Variants in KDM7A observed in about 807,000 individuals in gnomAD.
KDM7A encodes lysine demethylase 7A.
A neutral mutation model predicts 114.8 loss-of-function variants in KDM7A; 28 were observed. The observed-to-expected ratio is 0.24, with a 90% CI of 0.18 to 0.33. KDM7A has a LOEUF of 0.33. KDM7A is among the 10% of genes least tolerant of loss of function. The pLI, the probability that KDM7A is intolerant of heterozygous loss-of-function variation, is 1.00. For synonymous variants in KDM7A, 423 were observed against 397.8 expected, an observed-to-expected ratio of 1.06 and a Z score of -0.75; for missense variants, 942 against 1,142.5, an observed-to-expected ratio of 0.82 and a Z score of 2.53.
chr7:140,129,463 C>A (rs1818753295), intron 4 of KDM7A, 30 bp downstream of exon 4: 2 of 1,561,040 alleles, frequency 1.3e-6, no homozygotes, highest in East Asian at 4.5e-5. Flanking sequence ...ACCATGTTTT[C>A]CCAGGTACTT....
chr7:140,122,357 T>A (rs1223190421), intron 7 of KDM7A, among the ~76,000 whole-genome samples: 5 of 151,874 alleles, frequency 3.3e-5, no homozygotes, highest in African/African-American at 9.7e-5. Flanking sequence ...ATTTATGATT[T>A]GAAGAATCAT....
In KDM7A at chr7:140,126,658, T is replaced by A; in HGVS notation, c.867A>T (p.Ser289=). 1 of 1,612,872 alleles carries A rather than the reference T, an allele frequency of 6.2e-7. No homozygotes were observed. The highest frequency in any genetic ancestry group is 8.5e-7 in the Non-Finnish European group (1 of 1,179,360). The change falls in exon 6 of 20, where the codon TCA becomes TCT. Residue 289 remains serine (S), a synonymous_variant. Transcript: ENST00000397560. ...TTACCCAGAGGACATGGTACCAGAC[T>A]GAAGTTCCACCGAAGTCAATGTGGA... ...TDFHIDFGGT[S]VWYHVLWGEK...
intron 11 of KDM7A, among the ~76,000 whole-genome samples, chr7:140,104,931 G>A (rs1423331467): frequency 1.3e-5 from 2 of 152,168 alleles, no homozygotes; most frequent in African/African-American, 2.4e-5. Context: ...AGCATGGAAT[G>A]TTCTTCCATT....
At chr7:140,108,335 T>A (rs966484878) in intron 11 of KDM7A, among the ~76,000 whole-genome samples, 2 of 152,228 alleles carry the variant, frequency 1.3e-5, no homozygotes, top group Non-Finnish European at 2.9e-5. Flanking sequence ...AGAAGCTGCG[T>A]TCCTCTGGAG....
intron 11 of KDM7A, among the ~76,000 whole-genome samples, chr7:140,108,426 T>C (rs1391943683): frequency 6.6e-6 from 1 of 152,188 alleles, no homozygotes; most frequent in Non-Finnish European, 1.5e-5. Context: ...TATCTACCTT[T>C]GGTCTTTGAT....
chr7:140,092,105 G>A, intron 18 of KDM7A, 28 bp from the exon 19 acceptor site: 3 of 1,610,592 alleles, frequency 1.9e-6, no homozygotes, highest in Non-Finnish European at 2.5e-6. Context: ...ACATGAGGCT[G>A]AATTTTTAGG....
chr7:140,097,838 T>G (rs548802756), intron 14 of KDM7A, among the ~76,000 whole-genome samples, 196 bp from the exon 15 acceptor site: 2 of 152,344 alleles, frequency 1.3e-5, no homozygotes, highest in South Asian at 4.1e-4. Flanking sequence ...AGACACAGAC[T>G]GAAGTATATT....
chr7:140,100,683 T>C lies in KDM7A; in HGVS notation c.1639-660A>G, dbSNP rs372490754. 8.5e-3 allele frequency among the ~76,000 whole-genome samples: 309 copies of C among 36,432 alleles called. 3 individuals carry two copies. Among genetic ancestry groups the C allele is most frequent in the African/African-American group, 0.012 (97 of 7,996 alleles). The allele number at this position is 36,432 out of a possible 152,430, so 23.9% of individuals were successfully genotyped here. On this transcript the variant is annotated intron_variant, in intron 12 of 19. Coordinates refer to ENST00000397560, the MANE Select transcript of KDM7A (RefSeq NM_030647.2). ...AGTTATATATATATATATATATACA[T>C]ATATACATATATATATATATATATA...
rs776301740 is a variant in KDM7A at position 140,094,075 on chromosome 7, G to A, written c.2438C>T (p.Thr813Ile). ...RTSSWIKQFD[T>I]SRFHPQDLSR... Reference sequence around the variant, plus strand: ...ATATACCTGAGGATGAAATCTGGAAGTATCAAACTGTTTAATCCAGGAGGA... The same window carrying A: ...ATATACCTGAGGATGAAATCTGGAAATATCAAACTGTTTAATCCAGGAGGA... The change falls in exon 18 of 20, where the codon ACT becomes ATT. Residue 813 changes from threonine to isoleucine, a missense_variant. Thr to Ile is a moderately conservative substitution (Grantham distance 89). This residue lies in a region of KDM7A where 512 missense variants were observed against 576.6 expected (regional missense o/e 0.89). Transcript: ENST00000397560. The A allele has an allele frequency of 6.3e-7, 1 of 1,586,836 alleles. No individual in the cohort carries two copies. Among genetic ancestry groups the A allele is most frequent in the Non-Finnish European group, 8.7e-7 (1 of 1,155,098 alleles).
At chr7:140,162,255 A>G (rs947789722) in intron 1 of KDM7A, among the ~76,000 whole-genome samples, 1 of 152,048 alleles carries the variant, frequency 6.6e-6, no homozygotes, top group African/African-American at 2.4e-5. Flanking sequence ...GAATCGCTTA[A>G]ACCCAGGAGG....
chr7:140,122,097 T>A (rs947515861), intron 7 of KDM7A, among the ~76,000 whole-genome samples: 2 of 152,158 alleles, frequency 1.3e-5, no homozygotes, highest in South Asian at 2.1e-4. Flanking sequence ...CAGCCCTCCA[T>A]GTGATTCTGA....
At chr7:140,101,364 T>G (rs183807276) in intron 12 of KDM7A, among the ~76,000 whole-genome samples, 13 of 152,258 alleles carry the variant, frequency 8.5e-5, no homozygotes, top group Non-Finnish European at 1.5e-4. Flanking sequence ...CTGGCTCAAG[T>G]AGAGGCTTTC....
chr7:140,118,610 T>G (rs2116787433), intron 9 of KDM7A, among the ~76,000 whole-genome samples: 1 of 151,474 alleles, frequency 6.6e-6, no homozygotes, highest in South Asian at 2.1e-4. Flanking sequence ...AGAGACAGGA[T>G]TTCACCATGT....
chr7:140,092,388 TGG>T (rs1047652489), intron 18 of KDM7A, among the ~76,000 whole-genome samples: 1 of 152,218 alleles, frequency 6.6e-6, no homozygotes, highest in Non-Finnish European at 1.5e-5. Context: ...GACCCTGAGC[TGG>T]GGGAATGGAT....
At position 140,099,971 on chromosome 7, in the gene KDM7A, G is replaced by A; in HGVS notation, c.1691C>T (p.Ser564Phe). Residue 564 changes from serine (S) to phenylalanine (F), a missense_variant, in exon 13 of 20, where the codon TCC becomes TTC. This residue lies in a region of KDM7A where 512 missense variants were observed against 576.6 expected (regional missense o/e 0.89). Transcript: ENST00000397560. ...NGKFNKHLQP[S>F]STVPEWRAKD... ...CGCTCTCCATTCAGGTACTGTGGAG[G>A]ATGGTTGGAGATGTTTGTTGAATTT... 3.1e-6 allele frequency: 5 copies of A among 1,612,286 alleles called. No homozygotes were observed. The highest frequency in any genetic ancestry group is 3.4e-6 in the Non-Finnish European group (4 of 1,178,240).
chr7:140,172,419 T>C (rs752531868), intron 1 of KDM7A, among the ~76,000 whole-genome samples: 12 of 152,230 alleles, frequency 7.9e-5, no homozygotes, highest in Non-Finnish European at 1.2e-4. Context: ...TTTGGGAGGC[T>C]GAGGAGGGTG....
At chr7:140,109,265 G>A (rs1384657278) in intron 11 of KDM7A, among the ~76,000 whole-genome samples, 1 of 152,206 alleles carries the variant, frequency 6.6e-6, no homozygotes, top group East Asian at 1.9e-4. Flanking sequence ...TCCGTGGGCT[G>A]CACCCACTGT....
intron 9 of KDM7A, among the ~76,000 whole-genome samples, chr7:140,115,578 A>G (rs940968275): frequency 6.6e-6 from 1 of 152,034 alleles, no homozygotes; most frequent in Admixed American, 6.5e-5. Context: ...GCTTTGTTAA[A>G]CAGATGCTTG....
intron 1 of KDM7A, among the ~76,000 whole-genome samples, chr7:140,146,240 A>G (rs552667496): frequency 1.4e-3 from 219 of 152,364 alleles, no homozygotes; most frequent in African/African-American, 5.1e-3. Flanking sequence ...ATTTTAAAAA[A>G]TAAAATTAAA....
Sources: gnomAD v4.1 joint callset for allele counts (sites outside exome capture counted in the v4.1 genomes callset) on GRCh38, gnomAD v4.1.1 for gene constraint, gnomAD v4.1.1 regional missense constraint, MANE v1.5 for transcripts, NCBI Gene and HGNC (gene_info 2026-07-23, HGNC 2026-07-21) for gene names.